CDH15: variants seen among roughly 807,000 people sequenced by gnomAD.
CDH15 encodes cadherin-15.
CDH15 carries 73 observed loss-of-function variants against 69.4 expected under a neutral mutation model. The observed-to-expected ratio is 1.05, with a 90% CI of 0.87 to 1.28. CDH15 has a LOEUF of 1.28. Among genes scored for constraint, CDH15 ranks in the 50% most tolerant of loss-of-function variants. The pLI, the probability that CDH15 is intolerant of heterozygous loss-of-function variation, is 0.00. For missense variants in CDH15, 1,343 were observed against 1,133.6 expected (o/e 1.18, Z -2.65); for synonymous variants, 624 against 507.7 (o/e 1.23, Z -3.08).
At chr16:89,190,556 G>A (rs1426542875) in intron 8 of CDH15, 60 bp downstream of exon 8, 2 of 1,549,044 alleles carry the variant, frequency 1.3e-6, no homozygotes, top group South Asian at 2.4e-5. Context: ...TCCTGCTTCG[G>A]GTGCCCCTGA....
chr16:89,191,205 T>C, intron 8 of CDH15, 125 bp from the exon 9 acceptor site: 1 of 1,036,658 alleles, frequency 9.6e-7, no homozygotes, highest in South Asian at 1.3e-5. Flanking sequence ...TGTGCATGTG[T>C]GCATGCATGT....
At chr16:89,177,561 C>G (rs1419633409) in intron 1 of CDH15, among the ~76,000 whole-genome samples, 1 of 152,000 alleles carries the variant, frequency 6.6e-6, no homozygotes, top group African/African-American at 2.4e-5. Context: ...TAGCCAGGCC[C>G]GGGGCACAGG....
chr16:89,192,458 C>T lies in CDH15; in HGVS notation c.1855+14C>T, dbSNP rs895377367. ...TCCTGCTGCTGGGTGAGTGAGCGCC[C>T]CGCCTCCACCTGGACCCTCGGACCC... On this transcript the variant is annotated intron_variant, in intron 11 of 13. Transcript: ENST00000289746. 22 of 1,563,282 alleles carry T rather than the reference C, an allele frequency of 1.4e-5. No homozygotes were observed. In the Admixed American group the frequency reaches 3.2e-4, roughly 23 times the overall value.
chr16:89,181,997 G>C (rs898604163), intron 3 of CDH15, among the ~76,000 whole-genome samples: 6 of 151,086 alleles, frequency 4.0e-5, no homozygotes, highest in Non-Finnish European at 5.9e-5. Context: ...GAAGAAGAAA[G>C]AAGAAGAAGA....
At position 89,194,942 on chromosome 16, in the gene CDH15, G is replaced by C. The variant is rs150968733; in HGVS notation, c.2232G>C (p.Ser744=). 6.2e-7 allele frequency: 1 copy of C among 1,608,568 alleles called. No individual in the cohort carries two copies. The highest frequency in any genetic ancestry group is 1.1e-5 in the South Asian group (1 of 90,356). The change falls in exon 14 of 14, where the codon TCG becomes TCC. Residue 744 remains serine, a synonymous_variant. Transcript: ENST00000289746. ...ALIYDYEGDG[S]VAGTLSSILS... ...TCTATGACTACGAGGGTGACGGCTC[G>C]GTGGCGGGGACGCTGAGCTCCATCC... is the stretch of plus-strand genomic sequence containing the variant.
In CDH15 at chr16:89,195,169, C is replaced by G. The variant is rs1053659837; in HGVS notation, c.*14C>G. On this transcript the variant is annotated 3_prime_UTR_variant, in exon 14 of 14. Transcript: ENST00000289746. ...CGGACAGCCTGACCCTGGGGCGCAA[C>G]TGGACATGCCACTCCCCGGCCTCGT... is the stretch of plus-strand genomic sequence containing the variant. 1.1e-5 allele frequency: 17 copies of G among 1,558,114 alleles called. No homozygotes were observed. The African/African-American group carries it at 2.2e-4, about 20-fold the overall frequency.
chr16:89,176,362 C>T (rs113582471), intron 1 of CDH15, among the ~76,000 whole-genome samples: 7 of 152,078 alleles, frequency 4.6e-5, no homozygotes, highest in African/African-American at 1.2e-4. Flanking sequence ...GAGTAGCTGT[C>T]GACACCTGTG....
intron 13 of CDH15, among the ~76,000 whole-genome samples, chr16:89,194,625 G>A (rs895449700): frequency 2.0e-5 from 3 of 152,184 alleles, no homozygotes; most frequent in Non-Finnish European, 1.5e-5. Context: ...AGCCCCGGGG[G>A]ACGGGCTGGC....
rs552141216 is a variant in CDH15 at position 89,174,378 on chromosome 16, C to T, written c.42+2505C>T. On this transcript the variant is annotated intron_variant, in intron 1 of 13. Coordinates refer to ENST00000289746, the MANE Select transcript of CDH15 (RefSeq NM_004933.3). ...GCAAACCCACCCACACGCCACCAAG[C>T]GTGTTCCTAGAATCTCGTAGCACCC... 6.5e-4 allele frequency among the ~76,000 whole-genome samples: 99 copies of T among 152,308 alleles called. 1 individual carries two copies. The highest frequency in any genetic ancestry group is 2.3e-3 in the African/African-American group (95 of 41,572).
intron 8 of CDH15, among the ~76,000 whole-genome samples, chr16:89,191,007 A>G (rs1366807110): frequency 7.3e-6 from 1 of 136,178 alleles, no homozygotes. Context: ...GTGTATGTGC[A>G]TATGTGTGTG....
At chr16:89,174,340 A>G (rs540848550) in intron 1 of CDH15, among the ~76,000 whole-genome samples, 99 of 151,016 alleles carry the variant, frequency 6.6e-4, no homozygotes, top group African/African-American at 2.4e-3. Flanking sequence ...GGGCCTTCGC[A>G]CTCTCTTCCC....
intron 7 of CDH15, among the ~76,000 whole-genome samples, chr16:89,189,660 C>T (rs1467279160): frequency 6.6e-6 from 1 of 152,364 alleles, no homozygotes; most frequent in East Asian, 1.9e-4. Context: ...CAGCTGCACA[C>T]CTGTGTCAGT....
In CDH15 at chr16:89,190,387, T is replaced by C; in HGVS notation, c.1123T>C (p.Phe375Leu). 1 of 1,612,848 alleles carries C rather than the reference T, an allele frequency of 6.2e-7. No homozygotes were observed. The highest frequency in any genetic ancestry group is 8.5e-7 in the Non-Finnish European group (1 of 1,179,950). Residue 375 changes from phenylalanine (F) to leucine (L), a missense_variant, in exon 8 of 14, where the codon TTC becomes CTC. By Grantham distance (22) the Phe-to-Leu change is conservative. Transcript: ENST00000289746. The stretch of plus-strand genomic sequence containing the variant: ...GCAGGACACCAACGAGCCCCCCGTG[T>C]TCCAGGAGAACCCACTTCGGACCAG... ...HVQDTNEPPV[F>L]QENPLRTSLA... is the part of the protein sequence containing the mutation.
chr16:89,180,271 C>A lies in CDH15; in HGVS notation c.273C>A (p.Pro91=). 7 of 1,610,142 alleles carry A rather than the reference C, an allele frequency of 4.3e-6. No individual in the cohort carries two copies. Among genetic ancestry groups the A allele is most frequent in the Non-Finnish European group, 5.1e-6 (6 of 1,178,478 alleles). ...AGGGACCCGGCGTGGATGAGGAGCC[C>A]CGGGGCGTCTTCTCTATCGACAAGT... is the stretch of plus-strand genomic sequence containing the variant. ...SIQGPGVDEE[P]RGVFSIDKFT... is the part of the protein sequence containing the mutation. Residue 91 remains proline, a synonymous_variant, in exon 3 of 14, where the codon CCC becomes CCA. Coordinates refer to ENST00000289746, the MANE Select transcript of CDH15 (RefSeq NM_004933.3).
intron 5 of CDH15, among the ~76,000 whole-genome samples, chr16:89,186,550 G>A (rs372160414): frequency 1.4e-4 from 16 of 118,114 alleles, no homozygotes; most frequent in East Asian, 1.1e-3. Context: ...CTTACCCAGC[G>A]CACAGTAGGT....
rs923271789 is a variant in CDH15, at chr16:89,193,568, C to T, written c.1954C>T (p.Leu652Phe). 1.9e-6 allele frequency: 3 copies of T among 1,609,610 alleles called. No homozygotes were observed. The highest frequency in any genetic ancestry group is 2.5e-6 in the Non-Finnish European group (3 of 1,178,842). The change falls in exon 12 of 14, where the codon CTC becomes TTC. Residue 652 changes from leucine (L) to phenylalanine (F), a missense_variant. Transcript: ENST00000289746. ...CCAGGACGACCTTCGAGACAATGTC[C>T]TCAACTACGATGAGCAAGGAGGCGG... is the stretch of plus-strand genomic sequence containing the variant. The part of the protein sequence containing the change: ...GPQDDLRDNV[L>F]NYDEQGGGEE...
At chr16:89,190,542 C>T (rs1405705262) in intron 8 of CDH15, 46 bp downstream of exon 8, 2 of 1,558,932 alleles carry the variant, frequency 1.3e-6, no homozygotes, top group Non-Finnish European at 1.7e-6. Flanking sequence ...GCTAACGGCC[C>T]CATTCCTGCT....
Position 89,188,293 on chromosome 16 carries a change from G to GC in CDH15, c.978+13dup. Reference sequence around the variant, plus strand: ...GTTCTGTCCATTGTGAAGGTGAGCGGCCCCCGGCTGGCACACAGATGCCGG... The same window carrying GC: ...GTTCTGTCCATTGTGAAGGTGAGCGGCCCCCCGGCTGGCACACAGATGCCGG... On this transcript the variant is annotated intron_variant, in intron 7 of 13. Coordinates refer to ENST00000289746, the MANE Select transcript of CDH15 (RefSeq NM_004933.3). 1 of 1,611,702 alleles carries GC rather than the reference G, an allele frequency of 6.2e-7. No homozygotes were observed. Among genetic ancestry groups the GC allele is most frequent in the Non-Finnish European group, 8.5e-7 (1 of 1,179,188 alleles).
At position 89,180,373 on chromosome 16, in the gene CDH15, C is replaced by T. The variant is rs371999213; in HGVS notation, c.357+18C>T. 8.0e-5 allele frequency: 128 copies of T among 1,607,864 alleles called. No individual in the cohort carries two copies. The African/African-American group carries it at 1.2e-3, about 15-fold the overall frequency. On this transcript the variant is annotated intron_variant, in intron 3 of 13. Transcript: ENST00000289746. ...GCTTCAGGGTGCGGAGCTGCGTGGT[C>T]GGACCTGTGCCCCTCAAGCAGGCCT...
Sources: allele counts gnomAD v4.1 joint callset (sites outside exome capture counted in the v4.1 genomes callset), GRCh38; gene constraint gnomAD v4.1.1; transcripts MANE v1.5; gene names NCBI Gene and HGNC (gene_info 2026-07-23, HGNC 2026-07-21).